FHAD1: variants seen among roughly 807,000 people sequenced by gnomAD.
FHAD1 encodes forkhead associated phosphopeptide binding domain 1, also known as forkhead-associated domain-containing protein 1.
In FHAD1, 146 loss-of-function variants were observed where a neutral mutation model predicts 191.3. That is an observed-to-expected ratio of 0.76 (90% CI 0.67 to 0.88). FHAD1 has a LOEUF of 0.88. FHAD1 is among the 40% of genes least tolerant of loss of function. The pLI is 0.00. For synonymous variants in FHAD1, 616 were observed against 672.3 expected, an observed-to-expected ratio of 0.92 and a Z score of 1.29; for missense variants, 1,635 against 1,785.8, an observed-to-expected ratio of 0.92 and a Z score of 1.52.
intron 22 of FHAD1, among the ~76,000 whole-genome samples, chr1:15,361,080 T>C (rs1694653040): frequency 6.6e-6 from 1 of 152,164 alleles, no homozygotes; most frequent in Non-Finnish European, 1.5e-5. Context: ...TCTTCACTAA[T>C]GCACTCATTA....
At chr1:15,285,869 G>A (rs1662239225) in intron 3 of FHAD1, among the ~76,000 whole-genome samples, 1 of 152,232 alleles carries the variant, frequency 6.6e-6, no homozygotes, top group Non-Finnish European at 1.5e-5. Flanking sequence ...ATTCAGCCAT[G>A]AAAAGGAAGG....
chr1:15,246,432 G>C (rs1323241186), upstream of FHAD1, among the ~76,000 whole-genome samples: 1 of 120,150 alleles, frequency 8.3e-6, no homozygotes, highest in Non-Finnish European at 2.0e-5. Flanking sequence ...CCAGTGAAAG[G>C]AATCACTCTC....
chr1:15,253,498 T>C (rs1012089185), intron 2 of FHAD1, among the ~76,000 whole-genome samples: 1 of 152,242 alleles, frequency 6.6e-6, no homozygotes, highest in African/African-American at 2.4e-5. Context: ...TCATGAATAC[T>C]TTGTAGCTTT....
intron 21 of FHAD1, among the ~76,000 whole-genome samples, chr1:15,359,975 T>A (rs1334053087): frequency 2.0e-5 from 3 of 150,718 alleles, no homozygotes; most frequent in African/African-American, 7.3e-5. Context: ...TAGCTGAGTG[T>A]GTTGGCGCAC....
intron 23 of FHAD1, chr1:15,364,208 T>A (rs184756943): frequency 6.2e-6 from 1 of 162,134 alleles, no homozygotes; most frequent in Non-Finnish European, 1.3e-5. Flanking sequence ...ATATACTATA[T>A]CTATGTAGTT....
chr1:15,396,624 C>T (rs1047705014), intron 33 of FHAD1, among the ~76,000 whole-genome samples: 4 of 151,880 alleles, frequency 2.6e-5, no homozygotes, highest in African/African-American at 9.7e-5. Context: ...ACTTGACCAA[C>T]ATGGTGAAAC....
chr1:15,245,320 T>C (rs1368824947), upstream of FHAD1, among the ~76,000 whole-genome samples: 1 of 152,220 alleles, frequency 6.6e-6, no homozygotes, highest in Admixed American at 6.5e-5. Context: ...TTGTTGTTCT[T>C]ATTTTTATTT....
At chr1:15,390,551 G>A (rs891367145) in intron 32 of FHAD1, among the ~76,000 whole-genome samples, 1 of 151,960 alleles carries the variant, frequency 6.6e-6, no homozygotes, top group African/African-American at 2.4e-5. Flanking sequence ...GTAGGCATGA[G>A]GTTGGTGACC....
intron 10 of FHAD1, among the ~76,000 whole-genome samples, chr1:15,322,083 C>T (rs114625852): frequency 3.4e-4 from 52 of 152,222 alleles, no homozygotes; most frequent in African/African-American, 1.2e-3. Context: ...TGATTTACAG[C>T]AGTTTTATTA....
intron 14 of FHAD1, among the ~76,000 whole-genome samples, chr1:15,338,908 A>G (rs1455123788): frequency 6.6e-6 from 1 of 152,044 alleles, no homozygotes; most frequent in Non-Finnish European, 1.5e-5. Flanking sequence ...ACTCAGCACC[A>G]TGCTTCACAC....
chr1:15,253,819 C>T (rs924252941), intron 2 of FHAD1, among the ~76,000 whole-genome samples: 4 of 152,176 alleles, frequency 2.6e-5, no homozygotes, highest in Non-Finnish European at 5.9e-5. Flanking sequence ...TTGGCTGGGA[C>T]TTCCAGTAGT....
At position 15,381,528 on chromosome 1, in the gene FHAD1, C is replaced by T; in HGVS notation, c.4022+77C>T. 1 of 1,149,712 alleles carries T rather than the reference C, an allele frequency of 8.7e-7. No homozygotes were observed. Among genetic ancestry groups the T allele is most frequent in the Non-Finnish European group, 1.3e-6 (1 of 793,072 alleles). The allele number at this position is 1,149,712 out of a possible 1,614,324, so 71.2% of individuals were successfully genotyped here. On this transcript the variant is annotated intron_variant, in intron 30 of 33. Coordinates refer to ENST00000688493, the MANE Select transcript of FHAD1 (RefSeq NM_001391957.1). This position sits in a 1 kb window ranked among gnomAD's most constrained non-coding sequence, Gnocchi z 4.6. ...TGGCTAAACTCAGGCTAGCAGCAGA[C>T]CTCTAGGCCTGGGACAGGAGGACAG... is the stretch of plus-strand genomic sequence containing the variant.
At chr1:15,364,062 C>T in intron 23 of FHAD1, 2 of 313,558 alleles carry the variant, frequency 6.4e-6, no homozygotes, top group Non-Finnish European at 1.3e-5. Flanking sequence ...CTCAGCACCA[C>T]CCAGCTCTGC....
chr1:15,332,685 CT>C (rs1682213779), intron 14 of FHAD1, among the ~76,000 whole-genome samples: 1 of 152,234 alleles, frequency 6.6e-6, no homozygotes. Flanking sequence ...CTCCACTGCA[CT>C]GCAGCCTGTG....
chr1:15,323,110 C>T (rs989084763), intron 10 of FHAD1, among the ~76,000 whole-genome samples: 4 of 152,296 alleles, frequency 2.6e-5, no homozygotes, highest in Non-Finnish European at 5.9e-5. Flanking sequence ...CCCTGGGTCC[C>T]GCCCACAACA....
At chr1:15,394,721 A>G (rs538764251) in intron 33 of FHAD1, among the ~76,000 whole-genome samples, 1 of 152,104 alleles carries the variant, frequency 6.6e-6, no homozygotes, top group Non-Finnish European at 1.5e-5. Context: ...ATTCATCCCT[A>G]TTTGGCAGAT....
intron 2 of FHAD1, among the ~76,000 whole-genome samples, chr1:15,261,108 C>T (rs1160385503): frequency 6.6e-6 from 1 of 152,146 alleles, no homozygotes; most frequent in Non-Finnish European, 1.5e-5. Context: ...ATGATGCTAT[C>T]ATTTGTGTTA....
intron 2 of FHAD1, among the ~76,000 whole-genome samples, chr1:15,255,404 A>G (rs1647519153): frequency 6.6e-6 from 1 of 152,364 alleles, no homozygotes; most frequent in African/African-American, 2.4e-5. Context: ...CATGTGACTC[A>G]GGGACAATCA....
intron 3 of FHAD1, among the ~76,000 whole-genome samples, chr1:15,284,294 T>TA (rs1488866696): frequency 6.6e-6 from 1 of 151,908 alleles, no homozygotes; most frequent in African/African-American, 2.4e-5. Flanking sequence ...TCCTGGCTAA[T>TA]ACGGTGAAAC....
Sources: gnomAD v4.1 joint callset for allele counts (sites outside exome capture counted in the v4.1 genomes callset) on GRCh38, gnomAD v4.1.1 for gene constraint, Gnocchi (gnomAD v3.1) non-coding constraint, MANE v1.5 for transcripts, NCBI Gene and HGNC (gene_info 2026-07-23, HGNC 2026-07-21) for gene names.